HECA: variants seen among roughly 807,000 people sequenced by gnomAD.
HECA encodes headcase protein homolog.
In HECA, 13 loss-of-function variants were observed where a neutral mutation model predicts 37.6. That is an observed-to-expected ratio of 0.35 (90% confidence interval 0.23 to 0.55). HECA has a LOEUF of 0.55. HECA is among the 20% of genes least tolerant of loss of function. The pLI is 0.90. For missense variants in HECA, 527 were observed against 701.9 expected, an observed-to-expected ratio of 0.75 and a Z score of 2.82; for synonymous variants, 307 against 291.5, an observed-to-expected ratio of 1.05 and a Z score of -0.54.
Position 139,166,372 on chromosome 6 carries a change from C to T in HECA, c.360C>T (p.Asn120=), listed in dbSNP as rs45532935. 1,291 of 1,614,158 alleles carry T rather than the reference C, an allele frequency of 8.0e-4. 2 individuals are homozygous for T. Among genetic ancestry groups the T allele is most frequent in the Non-Finnish European group, 1.0e-3 (1,188 of 1,180,004 alleles). Residue 120 remains asparagine, a synonymous_variant, in exon 2 of 4, where the codon AAC becomes AAT. Transcript: ENST00000367658. The part of the protein sequence containing the change: ...KDDYQKVVCN[N]EHCPCSTWMH... Reference sequence around the variant, plus strand: ...ACTACCAGAAGGTGGTGTGCAACAACGAGCACTGCCCCTGCAGCACCTGGA... The same window carrying T: ...ACTACCAGAAGGTGGTGTGCAACAATGAGCACTGCCCCTGCAGCACCTGGA...
At chr6:139,139,139 C>T (rs1030405182) in intron 1 of HECA, among the ~76,000 whole-genome samples, 7 of 152,290 alleles carry the variant, frequency 4.6e-5, no homozygotes, top group Admixed American at 3.9e-4. Context: ...CTCTAGAACC[C>T]GTGGGCAGCA....
At chr6:139,163,213 G>A (rs1006306521) in intron 1 of HECA, among the ~76,000 whole-genome samples, 2 of 152,208 alleles carry the variant, frequency 1.3e-5, no homozygotes, top group South Asian at 2.1e-4. Flanking sequence ...CTACGGGATG[G>A]ACAGTGAGGT....
intron 1 of HECA, among the ~76,000 whole-genome samples, chr6:139,136,641 G>GTTT (rs71015633): frequency 1.4e-5 from 2 of 142,518 alleles, no homozygotes; most frequent in Admixed American, 7.0e-5. Flanking sequence ...TTTTTGTTTT[G>GTTT]TTTTTTTTTT....
At chr6:139,173,936 C>T (rs1248784794) in intron 2 of HECA, among the ~76,000 whole-genome samples, 2 of 152,152 alleles carry the variant, frequency 1.3e-5, no homozygotes, top group Non-Finnish European at 2.9e-5. Context: ...GTCCCCAAGA[C>T]AGACTTTTGA....
intron 1 of HECA, among the ~76,000 whole-genome samples, chr6:139,149,514 A>G (rs183799622): frequency 3.3e-4 from 51 of 152,300 alleles, no homozygotes; most frequent in African/African-American, 1.2e-3. Context: ...CTGCTTCCCA[A>G]CCAGTGATGA....
Position 139,152,344 on chromosome 6 carries a change from G to A in HECA, c.272-13940G>A, listed in dbSNP as rs1373505411. 5.3e-5 allele frequency among the ~76,000 whole-genome samples: 8 copies of A among 151,968 alleles called. No individual in the cohort carries two copies. The East Asian group carries it at 1.4e-3, about 26-fold the overall frequency. On this transcript the variant is annotated intron_variant, in intron 1 of 3. Coordinates refer to ENST00000367658, the MANE Select transcript of HECA (RefSeq NM_016217.3). ...TTTAATTTCAAAGTAAGAAAAGGGTGGGTCTAGGAGAACAGACTAAATATA... is the reference window on the plus strand; with the variant it reads ...TTTAATTTCAAAGTAAGAAAAGGGTAGGTCTAGGAGAACAGACTAAATATA...
At chr6:139,147,844 G>A (rs1774604359) in intron 1 of HECA, among the ~76,000 whole-genome samples, 1 of 152,098 alleles carries the variant, frequency 6.6e-6, no homozygotes, top group South Asian at 2.1e-4. Flanking sequence ...ATTATCTTTA[G>A]GGTAAAGTCC....
At chr6:139,154,241 A>G (rs1272903183) in intron 1 of HECA, among the ~76,000 whole-genome samples, 2 of 152,188 alleles carry the variant, frequency 1.3e-5, no homozygotes, top group African/African-American at 4.8e-5. Context: ...TTCCATGAAT[A>G]TTTTCCATTG....
chr6:139,137,355 G>C (rs1269067464), intron 1 of HECA, among the ~76,000 whole-genome samples: 34 of 152,082 alleles, frequency 2.2e-4, no homozygotes, highest in Non-Finnish European at 2.9e-5. Flanking sequence ...GTGTTATTGA[G>C]AGGCTCAGAG....
intron 1 of HECA, among the ~76,000 whole-genome samples, chr6:139,152,418 A>ATATGTGTGTGTGTGTG: frequency 6.8e-6 from 1 of 147,534 alleles, no homozygotes; most frequent in African/African-American, 2.5e-5. Flanking sequence ...GAAGCATTGG[A>ATATGTGTGTGTGTGTG]TGTGTGTGTG....
At chr6:139,137,555 A>C (rs2114429908) in intron 1 of HECA, among the ~76,000 whole-genome samples, 1 of 150,782 alleles carries the variant, frequency 6.6e-6, no homozygotes, top group South Asian at 2.1e-4. Context: ...AAGACGAGAC[A>C]TCCCGGTCCT....
chr6:139,160,118 A>C (rs1774776480), intron 1 of HECA, among the ~76,000 whole-genome samples: 1 of 152,226 alleles, frequency 6.6e-6, no homozygotes, highest in Non-Finnish European at 1.5e-5. Flanking sequence ...CCTGTTATCC[A>C]GACTTGAAAC....
chr6:139,142,723 G>A lies in HECA; in HGVS notation c.271+7056G>A, dbSNP rs532294834. ...AGCACTTTTGGAGGCCGAGACGGGC[G>A]GATCATGAGGTCAGGAGTTCAAGAC... is the stretch of plus-strand genomic sequence containing the variant. On this transcript the variant is annotated intron_variant, in intron 1 of 3. Transcript: ENST00000367658. Among the ~76,000 whole-genome samples the A allele has an allele frequency of 8.5e-5, 13 of 152,206 alleles. No homozygotes were observed. In the East Asian group the frequency reaches 1.4e-3, roughly 16 times the overall value.
rs1775054563 is a variant in HECA, at chr6:139,176,554, A to G, written c.1468-387A>G. Among the ~76,000 whole-genome samples the G allele has an allele frequency of 6.6e-6, 1 of 152,170 alleles. No homozygotes were observed. Among genetic ancestry groups the G allele is most frequent in the African/African-American group, 2.4e-5 (1 of 41,430 alleles). On this transcript the variant is annotated intron_variant, in intron 3 of 3. Transcript: ENST00000367658. The surrounding 1 kb of genome is among the most constrained non-coding windows in gnomAD (Gnocchi z 4.5). ...TCTTGGGAAATTTTATTTTTACATC[A>G]AAGAAAACGCAACTTTTCTATAGAG...
intron 1 of HECA, among the ~76,000 whole-genome samples, chr6:139,146,928 A>G (rs1774592354): frequency 6.6e-6 from 1 of 152,232 alleles, no homozygotes; most frequent in South Asian, 2.1e-4. Context: ...AAATTAGGCA[A>G]GACTCCTGGG....
At chr6:139,147,442 A>G (rs748314826) in intron 1 of HECA, among the ~76,000 whole-genome samples, 4 of 152,200 alleles carry the variant, frequency 2.6e-5, no homozygotes, top group Non-Finnish European at 4.4e-5. Context: ...CCTGGGCAAC[A>G]TGACAAAACC....
At chr6:139,141,599 G>A (rs555193667) in intron 1 of HECA, among the ~76,000 whole-genome samples, 173 of 152,296 alleles carry the variant, frequency 1.1e-3, no homozygotes, top group African/African-American at 4.1e-3. Flanking sequence ...TAGAAGCTGG[G>A]AAGTCCAAGG....
chr6:139,139,447 C>T (rs1299598747), intron 1 of HECA, among the ~76,000 whole-genome samples: 1 of 152,150 alleles, frequency 6.6e-6, no homozygotes, highest in African/African-American at 2.4e-5. Flanking sequence ...TACCAGCTTA[C>T]GAAGTATTAG....
chr6:139,145,540 A>G (rs1248226949), intron 1 of HECA, among the ~76,000 whole-genome samples: 1 of 152,232 alleles, frequency 6.6e-6, no homozygotes, highest in East Asian at 1.9e-4. Flanking sequence ...CACGTAATAT[A>G]GTGTATTTCA....
Sources: gnomAD v4.1 joint callset for allele counts (sites outside exome capture counted in the v4.1 genomes callset) on GRCh38, gnomAD v4.1.1 for gene constraint, Gnocchi (gnomAD v3.1) non-coding constraint, MANE v1.5 for transcripts, NCBI Gene and HGNC (gene_info 2026-07-23, HGNC 2026-07-21) for gene names.